The following CAAP1 variants were observed in gnomAD, a reference collection of about 807,000 sequenced individuals.
CAAP1 encodes the protein conserved anti-apoptotic protein.
A neutral mutation model predicts 34.0 loss-of-function variants in CAAP1; 20 were observed. The observed-to-expected ratio is 0.59, with a 90% CI of 0.41 to 0.86. The LOEUF (loss-of-function observed/expected upper bound fraction) is 0.86, where lower values mean the gene tolerates loss of function less well. Ranked by LOEUF, CAAP1 falls within the 40% of genes least tolerant of loss-of-function variation. CAAP1 has a pLI of 0.00. For synonymous variants in CAAP1, 213 were observed against 166.7 expected, an observed-to-expected ratio of 1.28 and a Z score of -2.14; for missense variants, 538 against 450.5, an observed-to-expected ratio of 1.19 and a Z score of -1.76.
chr9:26,887,966 A>C (rs1321053417), intron 1 of CAAP1, among the ~76,000 whole-genome samples: 1 of 152,204 alleles, frequency 6.6e-6, no homozygotes, highest in Admixed American at 6.5e-5. Context: ...CATTTTTAAA[A>C]CTTTATAATC....
At chr9:26,846,029 T>C (rs1822593402) in intron 5 of CAAP1, among the ~76,000 whole-genome samples, 1 of 151,716 alleles carries the variant, frequency 6.6e-6, no homozygotes, top group Non-Finnish European at 1.5e-5. Flanking sequence ...GGAGGAGGAG[T>C]TCAGTTGGCT....
chr9:26,890,472 AT>A (rs1389030105), intron 1 of CAAP1, among the ~76,000 whole-genome samples: 1 of 152,072 alleles, frequency 6.6e-6, no homozygotes, highest in East Asian at 1.9e-4. Flanking sequence ...ATATTAAATA[AT>A]TTTTTTAAAG....
At chr9:26,861,023 C>G in intron 5 of CAAP1, 43 bp downstream of exon 5, 1 of 1,356,146 alleles carries the variant, frequency 7.4e-7, no homozygotes, top group Non-Finnish European at 1.1e-6. Context: ...TGCTTCTATT[C>G]TTCAGGTAAA....
At chr9:26,890,255 C>T (rs889989204) in intron 1 of CAAP1, among the ~76,000 whole-genome samples, 1 of 151,850 alleles carries the variant, frequency 6.6e-6, no homozygotes, top group Non-Finnish European at 1.5e-5. Flanking sequence ...CCTGTAATCC[C>T]AGCTACTCAG....
chr9:26,872,983 G>A (rs1823318671), intron 4 of CAAP1, among the ~76,000 whole-genome samples: 1 of 152,200 alleles, frequency 6.6e-6, no homozygotes, highest in South Asian at 2.1e-4. Context: ...TACTTTGATT[G>A]GGTGCAGTGG....
chr9:26,843,659 T>C (rs559818752), intron 5 of CAAP1, among the ~76,000 whole-genome samples: 1 of 152,096 alleles, frequency 6.6e-6, no homozygotes, highest in Admixed American at 6.6e-5. Flanking sequence ...AAAGCTTTGA[T>C]AGCGCTTTCC....
At chr9:26,861,172 C>T in intron 4 of CAAP1, 33 bp from the exon 5 acceptor site, 1 of 1,477,746 alleles carries the variant, frequency 6.8e-7, no homozygotes, top group East Asian at 2.3e-5. Context: ...ACCTTTAAAA[C>T]TATATTTAAT....
chr9:26,873,946 G>A (rs148944177), intron 4 of CAAP1, among the ~76,000 whole-genome samples: 5,457 of 151,918 alleles, frequency 0.036, 165 homozygotes, highest in South Asian at 0.1. Context: ...GGTGGCTCAC[G>A]CCTGTAATCC....
intron 4 of CAAP1, among the ~76,000 whole-genome samples, chr9:26,873,592 C>A (rs1291488677): frequency 6.6e-6 from 1 of 152,136 alleles, no homozygotes. Flanking sequence ...ACATTACAGG[C>A]CAAACTAATA....
At chr9:26,865,501 G>T (rs564522483) in intron 4 of CAAP1, among the ~76,000 whole-genome samples, 5 of 151,452 alleles carry the variant, frequency 3.3e-5, no homozygotes, top group African/African-American at 1.2e-4. Context: ...TCCAGCCTGG[G>T]CAACAAGAGA....
intron 2 of CAAP1, among the ~76,000 whole-genome samples, chr9:26,886,508 G>C (rs1182880674): frequency 6.6e-6 from 1 of 152,118 alleles, no homozygotes; most frequent in African/African-American, 2.4e-5. Context: ...AAATATTCAA[G>C]TCTTGTATCT....
chr9:26,862,325 C>G (rs181011192), intron 4 of CAAP1, among the ~76,000 whole-genome samples: 1 of 152,016 alleles, frequency 6.6e-6, no homozygotes, highest in African/African-American at 2.4e-5. Context: ...GAGCATTAGT[C>G]TTAAGTATCT....
intron 4 of CAAP1, among the ~76,000 whole-genome samples, chr9:26,879,253 A>G (rs1823524836): frequency 6.6e-6 from 1 of 152,204 alleles, no homozygotes; most frequent in African/African-American, 2.4e-5. Flanking sequence ...GTAAATTCTA[A>G]GAAGGGCAAA....
rs913718600 is a variant in CAAP1, at chr9:26,841,758, T to C, written c.*543A>G. 1.3e-5 allele frequency: 2 copies of C among 152,584 alleles called. No individual in the cohort carries two copies. The highest frequency in any genetic ancestry group is 2.9e-5 in the Non-Finnish European group (2 of 68,006). The allele number at this position is 152,584 out of a possible 1,614,324, so 9.5% of individuals were successfully genotyped here. ...GCCTTAAATTAATTCCTTCCTTTAA[T>C]AAAAAAGTTTTTCTCAGTCATTTCA... On this transcript the variant is annotated 3_prime_UTR_variant, in exon 6 of 6. Coordinates refer to ENST00000333916, the MANE Select transcript of CAAP1 (RefSeq NM_024828.4).
intron 1 of CAAP1, among the ~76,000 whole-genome samples, chr9:26,891,546 A>C (rs1424679921): frequency 6.6e-6 from 1 of 151,030 alleles, no homozygotes; most frequent in Non-Finnish European, 1.5e-5. Context: ...ATATATACAT[A>C]AAGGTGTTTG....
intron 4 of CAAP1, among the ~76,000 whole-genome samples, chr9:26,874,754 G>A (rs541399492): frequency 6.6e-6 from 1 of 152,116 alleles, no homozygotes; most frequent in East Asian, 1.9e-4. Context: ...GTTACTATTG[G>A]TAGTAAAAAG....
intron 5 of CAAP1, among the ~76,000 whole-genome samples, chr9:26,849,523 TTTGA>T (rs1822692594): frequency 1.3e-5 from 2 of 152,340 alleles, no homozygotes; most frequent in South Asian, 4.1e-4. Flanking sequence ...CCTGTGCCAC[TTTGA>T]TTATTATGTC....
intron 4 of CAAP1, among the ~76,000 whole-genome samples, chr9:26,866,054 C>T (rs1823129018): frequency 6.6e-6 from 1 of 152,094 alleles, no homozygotes; most frequent in Admixed American, 6.6e-5. Context: ...ACCATGTTGG[C>T]CAGGCTAGTC....
intron 4 of CAAP1, among the ~76,000 whole-genome samples, chr9:26,863,856 A>AC (rs1348011893): frequency 6.6e-6 from 1 of 150,406 alleles, no homozygotes; most frequent in African/African-American, 2.4e-5. Context: ...GAGTGCAGTG[A>AC]TCACAGCTCA....
Sources: allele counts gnomAD v4.1 joint callset (sites outside exome capture counted in the v4.1 genomes callset), GRCh38; gene constraint gnomAD v4.1.1; transcripts MANE v1.5; gene names NCBI Gene and HGNC (gene_info 2026-07-23, HGNC 2026-07-21).